TNRC6B: variants seen among roughly 807,000 people sequenced by gnomAD.
TNRC6B encodes the protein trinucleotide repeat containing adaptor 6B.
TNRC6B carries 52 observed loss-of-function variants against 203.6 expected under a neutral mutation model. That is an observed-to-expected ratio of 0.26 (90% CI 0.20 to 0.32). TNRC6B has a LOEUF of 0.32. TNRC6B is among the 10% of genes least tolerant of loss of function. The pLI, the probability that TNRC6B is intolerant of heterozygous loss-of-function variation, is 1.00. For missense variants in TNRC6B, 1,923 were observed against 2,286.2 expected, an observed-to-expected ratio of 0.84 and a Z score of 3.24; for synonymous variants, 838 against 845.7, an observed-to-expected ratio of 0.99 and a Z score of 0.16.
chr22:40,132,943 C>CAAA (rs71199270), intron 3 of TNRC6B, among the ~76,000 whole-genome samples: 8 of 23,858 alleles, frequency 3.4e-4, no homozygotes, highest in East Asian at 1.3e-3. Context: ...GACTCTGTCT[C>CAAA]AAAAAAAAAA....
Position 40,323,321 on chromosome 22 carries a change from C to A in TNRC6B, c.*80C>A. On this transcript the variant is annotated 3_prime_UTR_variant, in exon 23 of 23. Transcript: ENST00000454349. The stretch of plus-strand genomic sequence containing the variant: ...AACTTGACCTTTTCGTTTTTTTTTT[C>A]AACTTGCAATAAATACATTTTTAAA... 7.2e-7 allele frequency: 1 copy of A among 1,388,800 alleles called. No individual in the cohort carries two copies. Among genetic ancestry groups the A allele is most frequent in the South Asian group, 1.4e-5 (1 of 71,280 alleles). The allele number at this position is 1,388,800 out of a possible 1,614,324, so 86.0% of individuals were successfully genotyped here. A position where few individuals can be genotyped will look rare whatever the true frequency, so the allele number is the denominator to read the frequency against.
At chr22:40,218,228 G>C (rs1051601874) in intron 1 of TNRC6B, among the ~76,000 whole-genome samples, 3 of 151,258 alleles carry the variant, frequency 2.0e-5, no homozygotes, top group African/African-American at 4.9e-5. Context: ...TGATTACCAA[G>C]TGATAGCAAG....
chr22:40,264,930 A>G lies in TNRC6B; in HGVS notation c.700A>G (p.Ser234Gly). ...CTCTGAGAAGAGCACTCTGCCAGGA[A>G]GCACCACTAGTAACAAAGGAAAAGG... is the stretch of plus-strand genomic sequence containing the variant. ...PGSEKSTLPGSTTSNKGKGSQ... is the reference protein window; with the variant it reads ...PGSEKSTLPGGTTSNKGKGSQ... The change falls in exon 5 of 23, where the codon AGC becomes GGC. Residue 234 changes from serine (S) to glycine (G), a missense_variant. Physicochemically the swap from Ser to Gly is moderately conservative, Grantham distance 56. This residue lies in a region of TNRC6B where 614 missense variants were observed against 587.7 expected (regional missense o/e 1.04). Transcript: ENST00000454349. 6.2e-7 allele frequency: 1 copy of G among 1,614,006 alleles called. No homozygotes were observed. Among genetic ancestry groups the G allele is most frequent in the Non-Finnish European group, 8.5e-7 (1 of 1,179,890 alleles).
chr22:40,256,738 T>TC (rs1165813965), intron 3 of TNRC6B, among the ~76,000 whole-genome samples: 1 of 151,706 alleles, frequency 6.6e-6, no homozygotes, highest in Non-Finnish European at 1.5e-5. Context: ...AGTTTGCTGA[T>TC]CCCCCCTGAT....
intron 1 of TNRC6B, among the ~76,000 whole-genome samples, chr22:40,082,062 T>C (rs2068067742): frequency 6.6e-6 from 1 of 152,180 alleles, no homozygotes; most frequent in African/African-American, 2.4e-5. Context: ...AGATGTAGTC[T>C]CTATTCATTG....
chr22:40,314,724 G>A (rs144798966), intron 19 of TNRC6B, among the ~76,000 whole-genome samples: 1 of 152,292 alleles, frequency 6.6e-6, no homozygotes, highest in East Asian at 1.9e-4. Context: ...GAGGTTCTCA[G>A]GGATAATTGT....
intron 7 of TNRC6B, among the ~76,000 whole-genome samples, chr22:40,274,686 G>T (rs796796194): frequency 3.9e-5 from 6 of 152,282 alleles, no homozygotes; most frequent in African/African-American, 1.4e-4. Flanking sequence ...CTCCCAAAGT[G>T]CTGGGATTAC....
At chr22:40,149,034 T>C (rs1481387887) in intron 3 of TNRC6B, among the ~76,000 whole-genome samples, 2 of 152,222 alleles carry the variant, frequency 1.3e-5, no homozygotes, top group African/African-American at 4.8e-5. Flanking sequence ...AGCAAACTAA[T>C]ACACCCTCCT....
At chr22:40,082,385 C>T (rs1207077618) in intron 1 of TNRC6B, among the ~76,000 whole-genome samples, 1 of 151,994 alleles carries the variant, frequency 6.6e-6, no homozygotes, top group Non-Finnish European at 1.5e-5. Context: ...ATAGCATGTA[C>T]CAAGCCATAG....
chr22:40,222,157 TC>T (rs1040528782), intron 1 of TNRC6B, among the ~76,000 whole-genome samples: 16 of 151,836 alleles, frequency 1.1e-4, no homozygotes, highest in South Asian at 4.2e-4. Flanking sequence ...AAATAGGGAG[TC>T]CCTGGAACCT....
chr22:40,074,263 T>C (rs1352311905), intron 1 of TNRC6B, among the ~76,000 whole-genome samples: 1 of 135,944 alleles, frequency 7.4e-6, no homozygotes, highest in African/African-American at 2.8e-5. Flanking sequence ...GAAAAGAAAA[T>C]GGTAACTAGT....
At chr22:40,188,989 T>TTTA (rs2069239047) in intron 1 of TNRC6B, among the ~76,000 whole-genome samples, 3 of 152,200 alleles carry the variant, frequency 2.0e-5, no homozygotes, top group South Asian at 2.1e-4. Flanking sequence ...GCACTACTCA[T>TTTA]GAGTTGCCCC....
chr22:40,046,647 T>A lies in TNRC6B; in HGVS notation c.-121+1649T>A, dbSNP rs1173195640. On this transcript the variant is annotated intron_variant, in intron 1 of 23. Transcript: ENST00000301923. ...TTTTTTTTTGAGACAGAGTCTCAATTTTTTTTTTTTTTTTTGAGACAGAGT... is the reference window on the plus strand; with the variant it reads ...TTTTTTTTTGAGACAGAGTCTCAATATTTTTTTTTTTTTTTGAGACAGAGT... 7.6e-5 allele frequency among the ~76,000 whole-genome samples: 10 copies of A among 132,044 alleles called. No individual in the cohort carries two copies. In the East Asian group the frequency reaches 1.8e-3, roughly 24 times the overall value. 86.6% of individuals were successfully genotyped at this position (132,044 alleles called of 152,430 possible).
chr22:40,133,640 G>A (rs1310437184), intron 3 of TNRC6B, among the ~76,000 whole-genome samples: 1 of 152,162 alleles, frequency 6.6e-6, no homozygotes, highest in African/African-American at 2.4e-5. Flanking sequence ...AGGGGGAGAA[G>A]GCTATTATAT....
intron 12 of TNRC6B, among the ~76,000 whole-genome samples, chr22:40,293,287 G>A (rs2070894340): frequency 7.4e-6 from 1 of 135,134 alleles, no homozygotes; most frequent in Admixed American, 9.3e-5. Context: ...CTCTGCCCCC[G>A]GGTTCAAGCA....
rs1321283433 is a variant in TNRC6B, at chr22:40,328,209, T to C, written c.*4968T>C. 1 of 152,252 alleles carries C rather than the reference T, an allele frequency of 6.6e-6. No individual in the cohort carries two copies. Among genetic ancestry groups the C allele is most frequent in the East Asian group, 1.9e-4 (1 of 5,200 alleles). The allele number at this position is 152,252 out of a possible 1,614,324, so 9.4% of individuals were successfully genotyped here. Reference sequence around the variant, plus strand: ...AAGTTAAGGTTCCAAACCAAATTATTTAATCAGTGTCCCCCCAATAAATCA... The same window carrying C: ...AAGTTAAGGTTCCAAACCAAATTATCTAATCAGTGTCCCCCCAATAAATCA... On this transcript the variant is annotated 3_prime_UTR_variant, in exon 23 of 23. Coordinates refer to ENST00000454349, the MANE Select transcript of TNRC6B (RefSeq NM_001162501.2).
chr22:40,148,577 C>T (rs1257314793), intron 3 of TNRC6B, among the ~76,000 whole-genome samples: 1 of 149,830 alleles, frequency 6.7e-6, no homozygotes, highest in Non-Finnish European at 1.5e-5. Context: ...GCCACCGCGC[C>T]GGGCCAGAAA....
intron 21 of TNRC6B, among the ~76,000 whole-genome samples, chr22:40,319,842 T>C (rs1184621195): frequency 6.6e-6 from 1 of 152,210 alleles, no homozygotes; most frequent in Non-Finnish European, 1.5e-5. Flanking sequence ...GTTTCAGGCC[T>C]CCACTGGGGG....
At position 40,281,211 on chromosome 22, in the gene TNRC6B, C is replaced by T; in HGVS notation, c.3504C>T (p.Pro1168=). The change falls in exon 11 of 23, where the codon CCC becomes CCT. Residue 1168 remains proline (P), a synonymous_variant. Transcript: ENST00000454349. ...CTTCTCCCAGCTACAAGCTGTCTCC[C>T]TCTGGTTCCACACTACCCAACGTCA... is the stretch of plus-strand genomic sequence containing the variant. ...FSPSPSYKLS[P]SGSTLPNVSL... 1 of 1,551,650 alleles carries T rather than the reference C, an allele frequency of 6.4e-7. No individual in the cohort carries two copies. The highest frequency in any genetic ancestry group is 8.7e-7 in the Non-Finnish European group (1 of 1,146,954).
Sources: allele counts gnomAD v4.1 joint callset (sites outside exome capture counted in the v4.1 genomes callset), GRCh38; gene constraint gnomAD v4.1.1; regional missense constraint gnomAD v4.1.1; transcripts MANE v1.5; gene names NCBI Gene and HGNC (gene_info 2026-07-23, HGNC 2026-07-21).